SAP30: variants seen among roughly 807,000 people sequenced by gnomAD.
SAP30 encodes Sin3A associated protein 30.
SAP30 carries 13 observed loss-of-function variants against 19.6 expected under a neutral mutation model. The observed-to-expected ratio is 0.66, with a 90% confidence interval of 0.43 to 1.05. SAP30 has a LOEUF of 1.05. Among genes scored for constraint, SAP30 ranks in the 50% least tolerant of loss-of-function variants. The probability of loss-of-function intolerance (pLI) is 0.00; values close to 1 mark genes in which losing one functional copy is unlikely to be tolerated. For synonymous variants in SAP30, 108 were observed against 122.7 expected (o/e 0.88, Z 0.79); for missense variants, 257 against 292.1 (o/e 0.88, Z 0.88).
At chr4:173,374,662 T>C (rs903041608) in intron 3 of SAP30, among the ~76,000 whole-genome samples, 8 of 152,184 alleles carry the variant, frequency 5.3e-5, no homozygotes, top group African/African-American at 1.9e-4. Flanking sequence ...CAGTAAACAT[T>C]TGAGCACCTA....
chr4:173,373,347 T>G, intron 1 of SAP30, 43 bp from the exon 2 acceptor site: 1 of 1,545,388 alleles, frequency 6.5e-7, no homozygotes. Flanking sequence ...ATAGACACAT[T>G]TTACTGTAAT....
rs952311787 is a variant in SAP30, at chr4:173,371,569, G to A, written c.315+72G>A. On this transcript the variant is annotated intron_variant, in intron 1 of 3. Coordinates refer to ENST00000296504, the MANE Select transcript of SAP30 (RefSeq NM_003864.4). The surrounding 1 kb of genome is among the most constrained non-coding windows in gnomAD (Gnocchi z 6.4). ...CCCCAGGAGCCGGGCAAAGGCACGG[G>A]TTGTCGGCGGGGTCCCCCAGACAAC... The A allele has an allele frequency of 1.5e-5, 23 of 1,530,136 alleles. No individual in the cohort carries two copies. The African/African-American group carries it at 2.5e-4, about 17-fold the overall frequency. 94.8% of individuals were successfully genotyped at this position (1,530,136 alleles called of 1,614,324 possible).
Position 173,371,096 on chromosome 4 carries a change from G to A in SAP30, c.-87G>A. 7.5e-7 allele frequency: 1 copy of A among 1,338,240 alleles called. No homozygotes were observed. Among genetic ancestry groups the A allele is most frequent in the Non-Finnish European group, 9.7e-7 (1 of 1,036,160 alleles). 82.9% of individuals were successfully genotyped at this position (1,338,240 alleles called of 1,614,324 possible). On this transcript the variant is annotated 5_prime_UTR_variant, in exon 1 of 4. In the 5' UTR this introduces an upstream ATG that the reference lacks. Coordinates refer to ENST00000296504, the MANE Select transcript of SAP30 (RefSeq NM_003864.4). The surrounding 1 kb of genome is among the most constrained non-coding windows in gnomAD (Gnocchi z 6.4). ...GCCGCTGTCTAACTTGGTGTGCAGAGTGAATTGCCGCTGCCGGAGCGGAGA... is the reference window on the plus strand; with the variant it reads ...GCCGCTGTCTAACTTGGTGTGCAGAATGAATTGCCGCTGCCGGAGCGGAGA...
chr4:173,377,469 G>A lies in SAP30; in HGVS notation c.*142G>A. On this transcript the variant is annotated 3_prime_UTR_variant, in exon 4 of 4. Transcript: ENST00000296504. ...TTGTTTCTGACTCTAATAATTAGTT[G>A]GAAACTCATATAAAATGAGCTTTCC... The A allele has an allele frequency of 1.1e-5, 8 of 741,306 alleles. No individual in the cohort carries two copies. Among genetic ancestry groups the A allele is most frequent in the East Asian group, 6.4e-5 (2 of 31,482 alleles). 45.9% of individuals were successfully genotyped at this position (741,306 alleles called of 1,614,324 possible).
chr4:173,375,634 C>T (rs1426732271), intron 3 of SAP30, among the ~76,000 whole-genome samples: 1 of 152,054 alleles, frequency 6.6e-6, no homozygotes, highest in Non-Finnish European at 1.5e-5. Context: ...ATATTATTTC[C>T]AGAGCTATTT....
At chr4:173,373,875 A>G (rs533402467) in intron 2 of SAP30, 64 bp from the exon 3 acceptor site, 349 of 770,834 alleles carry the variant, frequency 4.5e-4, no homozygotes, top group Non-Finnish European at 6.6e-4. Flanking sequence ...TTGTTATTAT[A>G]CATATCAATG....
Position 173,377,112 on chromosome 4 carries a change from A to G in SAP30, c.541-93A>G. ...AAGGAAATAGCCCTTATCACATAGC[A>G]CTTTTTCTTTTGATGAAACCGTATT... On this transcript the variant is annotated intron_variant, in intron 3 of 3. Coordinates refer to ENST00000296504, the MANE Select transcript of SAP30 (RefSeq NM_003864.4). 3 of 849,394 alleles carry G rather than the reference A, an allele frequency of 3.5e-6. No individual in the cohort carries two copies. In the South Asian group the frequency reaches 5.8e-5, roughly 16 times the overall value. The allele number at this position is 849,394 out of a possible 1,614,324, so 52.6% of individuals were successfully genotyped here.
rs1264750369 is a variant in SAP30 at position 173,370,986 on chromosome 4, G to C, written c.-197G>C. ...GGGGTCCCCGCTCCAGGAGACGCTC[G>C]AGTCTGCGTCCCGGCCCTCAGCACT... On this transcript the variant is annotated 5_prime_UTR_variant, in exon 1 of 4. Coordinates refer to ENST00000296504, the MANE Select transcript of SAP30 (RefSeq NM_003864.4). 2.6e-6 allele frequency: 1 copy of C among 379,202 alleles called. No individual in the cohort carries two copies. Among genetic ancestry groups the C allele is most frequent in the East Asian group, 6.5e-5 (1 of 15,482 alleles). The allele number at this position is 379,202 out of a possible 1,614,324, so 23.5% of individuals were successfully genotyped here. A position where few individuals can be genotyped will look rare whatever the true frequency, so the allele number is the denominator to read the frequency against.
At chr4:173,372,719 A>G (rs1299812243) in intron 1 of SAP30, among the ~76,000 whole-genome samples, 1 of 152,208 alleles carries the variant, frequency 6.6e-6, no homozygotes, top group Non-Finnish European at 1.5e-5. Context: ...TGTGAGCAAC[A>G]TCATCTTTCC....
At chr4:173,372,288 T>G (rs932686073) in intron 1 of SAP30, among the ~76,000 whole-genome samples, 1 of 152,242 alleles carries the variant, frequency 6.6e-6, no homozygotes, top group African/African-American at 2.4e-5. Context: ...ATTTTTATCT[T>G]GCGCTTGGCT....
intron 2 of SAP30, 58 bp from the exon 3 acceptor site, chr4:173,373,881 C>T: frequency 1.2e-6 from 1 of 806,948 alleles, no homozygotes; most frequent in Non-Finnish European, 1.9e-6. Context: ...TTATACATAT[C>T]AATGATAAAT....
Position 173,371,355 on chromosome 4 carries a change from C to A in SAP30, c.173C>A (p.Ala58Glu). 1.3e-6 allele frequency: 2 copies of A among 1,486,728 alleles called. No individual in the cohort carries two copies. The highest frequency in any genetic ancestry group is 1.8e-6 in the Non-Finnish European group (2 of 1,128,328). 92.1% of individuals were successfully genotyped at this position (1,486,728 alleles called of 1,614,324 possible). A position where few individuals can be genotyped will look rare whatever the true frequency, so the allele number is the denominator to read the frequency against. The change falls in exon 1 of 4, where the codon GCG becomes GAG. Residue 58 changes from alanine to glutamate, a missense_variant. Ala to Glu is a moderately radical substitution (Grantham distance 107, BLOSUM62 -1). Coordinates refer to ENST00000296504, the MANE Select transcript of SAP30 (RefSeq NM_003864.4). This position sits in a 1 kb window ranked among gnomAD's most constrained non-coding sequence, Gnocchi z 6.4. ...GAVSAAGPPG[A>E]AGPGPGQLCC... ...GTCTCAGCGGCTGGGCCCCCGGGGG[C>A]GGCCGGGCCGGGCCCCGGGCAACTG...
chr4:173,371,406 G>A lies in SAP30; in HGVS notation c.224G>A (p.Arg75Gln). The change falls in exon 1 of 4, where the codon CGG becomes CAG. Residue 75 changes from arginine to glutamine, a missense_variant. Coordinates refer to ENST00000296504, the MANE Select transcript of SAP30 (RefSeq NM_003864.4). This position sits in a 1 kb window ranked among gnomAD's most constrained non-coding sequence, Gnocchi z 6.4. ...QLCCLREDGE[R>Q]CGRAAGNASF... ...TGCTGCCTGCGGGAGGATGGTGAGC[G>A]GTGCGGCCGGGCGGCAGGCAACGCC... The A allele has an allele frequency of 6.3e-6, 10 of 1,588,842 alleles. No homozygotes were observed. Among genetic ancestry groups the A allele is most frequent in the Non-Finnish European group, 8.5e-6 (10 of 1,174,674 alleles).
At chr4:173,376,049 G>A (rs113487209) in intron 3 of SAP30, among the ~76,000 whole-genome samples, 1 of 152,272 alleles carries the variant, frequency 6.6e-6, no homozygotes, top group East Asian at 1.9e-4. Flanking sequence ...ATTGCCTTCC[G>A]TGAAATCTAT....
intron 3 of SAP30, 70 bp from the exon 4 acceptor site, chr4:173,377,135 A>AT (rs1739058858): frequency 9.1e-6 from 11 of 1,210,370 alleles, no homozygotes; most frequent in African/African-American, 1.6e-5. Flanking sequence ...ATGAAACCGT[A>AT]TTTTTTACGT....
At position 173,373,535 on chromosome 4, in the gene SAP30, G is replaced by A; in HGVS notation, c.441+20G>A. 3.1e-6 allele frequency: 5 copies of A among 1,588,146 alleles called. No homozygotes were observed. Among genetic ancestry groups the A allele is most frequent in the Non-Finnish European group, 4.3e-6 (5 of 1,168,920 alleles). ...CCAGAGGTAGATGGAAGTTTTTTAT[G>A]CTTAATGTAAATCCTAAGTAGTGCA... On this transcript the variant is annotated intron_variant, in intron 2 of 3. Coordinates refer to ENST00000296504, the MANE Select transcript of SAP30 (RefSeq NM_003864.4).
rs947693431 is a variant in SAP30, at chr4:173,376,539, T to G, written c.541-666T>G. Among the ~76,000 whole-genome samples the G allele has an allele frequency of 3.5e-4, 53 of 152,206 alleles. 1 individual carries two copies. The highest frequency in any genetic ancestry group is 1.6e-4 in the Non-Finnish European group (11 of 68,030). On this transcript the variant is annotated intron_variant, in intron 3 of 3. Transcript: ENST00000296504. Reference sequence around the variant, plus strand: ...ATGCATGTGATCTCTTACGTCTGTTTTATCTCATTTAAAGTTTAAAAGTAA... The same window carrying G: ...ATGCATGTGATCTCTTACGTCTGTTGTATCTCATTTAAAGTTTAAAAGTAA...
At chr4:173,377,158 C>T (rs1316478606) in intron 3 of SAP30, 47 bp from the exon 4 acceptor site, 3 of 1,425,396 alleles carry the variant, frequency 2.1e-6, no homozygotes, top group Non-Finnish European at 2.8e-6. Flanking sequence ...TTTATGAAAC[C>T]TGTTATATCT....
In SAP30 at chr4:173,371,857, C is replaced by T. The variant is rs1738943575; in HGVS notation, c.315+360C>T. Reference sequence around the variant, plus strand: ...GTAGTTTTCTTGCAGCCCGGCAGCTCTTCTGGAATGGAGGCGCCTTTGTTT... The same window carrying T: ...GTAGTTTTCTTGCAGCCCGGCAGCTTTTCTGGAATGGAGGCGCCTTTGTTT... On this transcript the variant is annotated intron_variant, in intron 1 of 3. Transcript: ENST00000296504. The surrounding 1 kb of genome is among the most constrained non-coding windows in gnomAD (Gnocchi z 6.4). Among the ~76,000 whole-genome samples, 1 of 152,188 alleles carries T rather than the reference C, an allele frequency of 6.6e-6. No individual in the cohort carries two copies. Among genetic ancestry groups the T allele is most frequent in the Admixed American group, 6.5e-5 (1 of 15,286 alleles).
Sources: gnomAD v4.1 joint callset for allele counts (sites outside exome capture counted in the v4.1 genomes callset) on GRCh38, gnomAD v4.1.1 for gene constraint, Gnocchi (gnomAD v3.1) non-coding constraint, MANE v1.5 for transcripts, NCBI Gene and HGNC (gene_info 2026-07-23, HGNC 2026-07-21) for gene names.